Variants in UBL7 observed in about 807,000 individuals in gnomAD.
The protein encoded by UBL7 is ubiquitin-like protein 7.
A neutral mutation model predicts 41.7 loss-of-function variants in UBL7; 21 were observed. The observed-to-expected ratio is 0.50, with a 90% CI of 0.36 to 0.73. UBL7 has a LOEUF of 0.73. UBL7 is among the 30% of genes least tolerant of loss of function. UBL7 has a pLI of 0.00. For synonymous variants in UBL7, 157 were observed against 186.9 expected (o/e 0.84, Z 1.31); for missense variants, 403 against 478.4 (o/e 0.84, Z 1.47).
At chr15:74,459,359 G>A (rs1230970255) in intron 1 of UBL7, among the ~76,000 whole-genome samples, 6 of 150,232 alleles carry the variant, frequency 4.0e-5, no homozygotes, top group South Asian at 2.1e-4. Flanking sequence ...GGAGTGCAGC[G>A]GCGCGATCTC....
At chr15:74,459,089 TCA>T (rs1315640148) in intron 1 of UBL7, 193 bp from the exon 2 acceptor site, 5 of 553,870 alleles carry the variant, frequency 9.0e-6, no homozygotes, top group Non-Finnish European at 1.6e-5. Flanking sequence ...TCTCTAGGCC[TCA>T]GTTTCTTCAT....
At chr15:74,453,362 T>C (rs2061267093) in intron 3 of UBL7, among the ~76,000 whole-genome samples, 1 of 151,818 alleles carries the variant, frequency 6.6e-6, no homozygotes, top group South Asian at 2.1e-4. Context: ...AATACACAAT[T>C]ACAAAATGCC....
chr15:74,449,919 A>C lies in UBL7; in HGVS notation c.664+17T>G. ...CCGGCTCCTGAGGGGCCCACATTACACTTTTCAGGCGCTCACCTGGCATAT... is the reference window on the plus strand; with the variant it reads ...CCGGCTCCTGAGGGGCCCACATTACCCTTTTCAGGCGCTCACCTGGCATAT... On this transcript the variant is annotated intron_variant, in intron 7 of 10. Transcript: ENST00000395081. The C allele has an allele frequency of 6.2e-7, 1 of 1,605,390 alleles. No individual in the cohort carries two copies. The highest frequency in any genetic ancestry group is 8.5e-7 in the Non-Finnish European group (1 of 1,175,936).
At position 74,458,822 on chromosome 15, in the gene UBL7, G is replaced by T. The variant is rs2061318847; in HGVS notation, c.46C>A (p.Pro16Thr). Residue 16 changes from proline (P) to threonine (T), a missense_variant, in exon 2 of 11, where the codon CCA (proline) becomes ACA (threonine). Pro to Thr is a conservative substitution (Grantham distance 38). Coordinates refer to ENST00000395081, the MANE Select transcript of UBL7 (RefSeq NM_032907.5). Reference sequence around the variant, plus strand: ...CGAAGAATAGACTTTGGAGTAAGTGGCTGGTCAGCCAGCTTCACCGCCAGG... The same window carrying T: ...CGAAGAATAGACTTTGGAGTAAGTGTCTGGTCAGCCAGCTTCACCGCCAGG... ...WHLAVKLADQPLTPKSILRLP... is the reference protein window; with the variant it reads ...WHLAVKLADQTLTPKSILRLP... 1 of 1,613,092 alleles carries T rather than the reference G, an allele frequency of 6.2e-7. No individual in the cohort carries two copies. The highest frequency in any genetic ancestry group is 1.3e-5 in the African/African-American group (1 of 74,926).
At position 74,446,860 on chromosome 15, in the gene UBL7, C is replaced by G. The variant is rs1433962909; in HGVS notation, c.1006-633G>C. On this transcript the variant is annotated intron_variant, in intron 10 of 10. Coordinates refer to ENST00000395081, the MANE Select transcript of UBL7 (RefSeq NM_032907.5). This position sits in a 1 kb window ranked among gnomAD's most constrained non-coding sequence, Gnocchi z 4.1. ...AATTCACCCATATTTTCTTCTAGTA[C>G]TTTCATAGCTTCATTAATATCTCTA... is the stretch of plus-strand genomic sequence containing the variant. 1.3e-5 allele frequency among the ~76,000 whole-genome samples: 2 copies of G among 152,138 alleles called. No individual in the cohort carries two copies. The highest frequency in any genetic ancestry group is 4.8e-5 in the African/African-American group (2 of 41,424).
intron 3 of UBL7, 89 bp downstream of exon 3, chr15:74,456,463 C>G (rs2061295350): frequency 6.6e-7 from 1 of 1,513,544 alleles, no homozygotes; most frequent in African/African-American, 1.4e-5. Context: ...CCCTTTGTTC[C>G]ACCCAGGCTT....
intron 9 of UBL7, 72 bp from the exon 10 acceptor site, chr15:74,448,672 A>C (rs1167543688): frequency 2.5e-6 from 4 of 1,591,846 alleles, no homozygotes; most frequent in East Asian, 2.3e-5. Flanking sequence ...CGCTGTTGTC[A>C]TATCACCTCA....
At position 74,448,552 on chromosome 15, in the gene UBL7, T is replaced by C; in HGVS notation, c.931A>G (p.Thr311Ala). The C allele has an allele frequency of 6.2e-7, 1 of 1,614,022 alleles. No homozygotes were observed. Among genetic ancestry groups the C allele is most frequent in the African/African-American group, 1.3e-5 (1 of 75,004 alleles). ...SPMSSGVQSG[T>A]PITNDLFSQA... is the part of the protein sequence containing the mutation. ...CTGAAGAGATCATTGGTGATGGGCG[T>C]CCCTGACTGGACACCAGAGGACATT... is the stretch of plus-strand genomic sequence containing the variant. Residue 311 changes from threonine to alanine, a missense_variant, in exon 10 of 11, where the codon ACG (threonine) becomes GCG (alanine). Thr to Ala is a moderately conservative substitution (Grantham distance 58). Transcript: ENST00000395081.
At position 74,459,932 on chromosome 15, in the gene UBL7, C is replaced by CAAAAAAAAAAAAAAAAA. The variant is rs55846825; in HGVS notation, c.-29-1053_-29-1037dup. Among the ~76,000 whole-genome samples, 3 of 18,246 alleles carry CAAAAAAAAAAAAAAAAA rather than the reference C, an allele frequency of 1.6e-4. 1 individual carries two copies. Among genetic ancestry groups the CAAAAAAAAAAAAAAAAA allele is most frequent in the African/African-American group, 5.7e-4 (3 of 5,256 alleles). 12.0% of individuals were successfully genotyped at this position (18,246 alleles called of 152,430 possible). On this transcript the variant is annotated intron_variant, in intron 1 of 10. Coordinates refer to ENST00000395081, the MANE Select transcript of UBL7 (RefSeq NM_032907.5). ...TGGGTGACAGAGAGAGACTCTGTCG[C>CAAAAAAAAAAAAAAAAA]AAAAAAAAAAAAAAAAAAAAAAAAA...
At chr15:74,452,207 G>A (rs1284149572) in intron 4 of UBL7, 89 bp downstream of exon 4, 5 of 1,383,088 alleles carry the variant, frequency 3.6e-6, no homozygotes, top group East Asian at 5.1e-5. Context: ...CCATGGCAAC[G>A]GGCTTCCAGC....
chr15:74,459,859 G>T (rs1383587205), intron 1 of UBL7, among the ~76,000 whole-genome samples: 4 of 140,348 alleles, frequency 2.9e-5, no homozygotes, highest in Admixed American at 7.6e-5. Flanking sequence ...CACCTACTCG[G>T]AAGGCTGAGG....
intron 3 of UBL7, 90 bp downstream of exon 3, chr15:74,456,462 C>G (rs1431262136): frequency 8.6e-6 from 13 of 1,514,230 alleles, no homozygotes; most frequent in Non-Finnish European, 1.2e-5. Flanking sequence ...TCCCTTTGTT[C>G]CACCCAGGCT....
intron 2 of UBL7, 140 bp from the exon 3 acceptor site, chr15:74,456,811 T>C: frequency 3.7e-6 from 4 of 1,074,872 alleles, no homozygotes; most frequent in East Asian, 2.6e-5. Flanking sequence ...ACTTAACAAA[T>C]ACTTTTTTTT....
rs1464438555 is a variant in UBL7, at chr15:74,446,760, A to G, written c.1006-533T>C. 5.9e-5 allele frequency among the ~76,000 whole-genome samples: 9 copies of G among 152,360 alleles called. No individual in the cohort carries two copies. Among genetic ancestry groups the G allele is most frequent in the South Asian group, 2.1e-4 (1 of 4,832 alleles). ...TTTCGCTTTTACAAACCCAAAATGC[A>G]TAACTTTTATTTAATGGCTCCTGGA... On this transcript the variant is annotated intron_variant, in intron 10 of 10. Coordinates refer to ENST00000395081, the MANE Select transcript of UBL7 (RefSeq NM_032907.5). The surrounding 1 kb of genome is among the most constrained non-coding windows in gnomAD (Gnocchi z 4.1).
At chr15:74,459,067 G>A (rs932435075) in intron 1 of UBL7, 171 bp from the exon 2 acceptor site, 1 of 609,706 alleles carries the variant, frequency 1.6e-6, no homozygotes, top group Non-Finnish European at 2.8e-6. Flanking sequence ...TACTCATACT[G>A]TGATGGACAG....
At position 74,445,998 on chromosome 15, in the gene UBL7, T is replaced by C. The variant is rs933737017; in HGVS notation, c.*92A>G. On this transcript the variant is annotated 3_prime_UTR_variant, in exon 11 of 11. Transcript: ENST00000395081. ...GCAGGAGAGTTGACCATCAGGTATATTGGGGAAGGGAGAGATGGAGGCACC... is the reference window on the plus strand; with the variant it reads ...GCAGGAGAGTTGACCATCAGGTATACTGGGGAAGGGAGAGATGGAGGCACC... The C allele has an allele frequency of 4.1e-5, 61 of 1,504,540 alleles. No homozygotes were observed. The highest frequency in any genetic ancestry group is 1.2e-4 in the Admixed American group (6 of 50,696). The allele number at this position is 1,504,540 out of a possible 1,614,324, so 93.2% of individuals were successfully genotyped here.
At chr15:74,458,127 C>G (rs1006315575) in intron 2 of UBL7, among the ~76,000 whole-genome samples, 2 of 152,114 alleles carry the variant, frequency 1.3e-5, no homozygotes, top group Admixed American at 6.6e-5. Flanking sequence ...TCTGTTCTTT[C>G]AGAAAAAGAA....
rs559675357 is a variant in UBL7, at chr15:74,458,627, T to C, written c.184+57A>G. The C allele has an allele frequency of 1.3e-4, 189 of 1,470,678 alleles. 1 individual carries two copies. The South Asian group carries it at 2.1e-3, about 17-fold the overall frequency. The allele number at this position is 1,470,678 out of a possible 1,614,324, so 91.1% of individuals were successfully genotyped here. ...TACTTTACTCTTGTAATTCCAGAAG[T>C]ATCCTCCCCCAAAAGAGATCAGAGC... On this transcript the variant is annotated intron_variant, in intron 2 of 10. Coordinates refer to ENST00000395081, the MANE Select transcript of UBL7 (RefSeq NM_032907.5).
At chr15:74,460,876 T>A in intron 1 of UBL7, 161 bp downstream of exon 1, 1 of 1,190,110 alleles carries the variant, frequency 8.4e-7, no homozygotes, top group Non-Finnish European at 1.1e-6. Context: ...CAGAAGGAGG[T>A]CGTTTTATAT....
Sources: gnomAD v4.1 joint callset for allele counts (sites outside exome capture counted in the v4.1 genomes callset) on GRCh38, gnomAD v4.1.1 for gene constraint, Gnocchi (gnomAD v3.1) non-coding constraint, MANE v1.5 for transcripts, NCBI Gene and HGNC (gene_info 2026-07-23, HGNC 2026-07-21) for gene names.